The following MAD1L1 variants were observed in gnomAD, a reference collection of about 807,000 sequenced individuals.
MAD1L1 encodes mitotic arrest deficient 1 like 1, also known as mitotic spindle assembly checkpoint protein MAD1.
In MAD1L1, 95 loss-of-function variants were observed where a neutral mutation model predicts 96.9. That is an observed-to-expected ratio of 0.98 (90% CI 0.83 to 1.16). MAD1L1 has a LOEUF of 1.16. MAD1L1 is among the 50% of genes most tolerant of loss of function. The pLI is 0.00. For synonymous variants in MAD1L1, 473 were observed against 396.6 expected, an observed-to-expected ratio of 1.19 and a Z score of -2.29; for missense variants, 1,007 against 954.4, an observed-to-expected ratio of 1.06 and a Z score of -0.73.
At chr7:1,882,660 A>C (rs1785757831) in intron 18 of MAD1L1, among the ~76,000 whole-genome samples, 1 of 152,120 alleles carries the variant, frequency 6.6e-6, no homozygotes, top group African/African-American at 2.4e-5. Flanking sequence ...GATGCCACAC[A>C]CCTGCACAGG....
chr7:1,921,619 G>A (rs144908211), intron 17 of MAD1L1, among the ~76,000 whole-genome samples: 2,130 of 152,240 alleles, frequency 0.014, 25 homozygotes, highest in Non-Finnish European at 0.023. Flanking sequence ...GCGCCTGGCC[G>A]TGACAAAGTA....
At chr7:1,879,015 C>T (rs1219050739) in intron 18 of MAD1L1, among the ~76,000 whole-genome samples, 1 of 152,084 alleles carries the variant, frequency 6.6e-6, no homozygotes, top group Non-Finnish European at 1.5e-5. Context: ...TTTTAAAGCA[C>T]ATTTACAAAA....
intron 17 of MAD1L1, among the ~76,000 whole-genome samples, chr7:1,903,427 T>C (rs1236044556): frequency 6.7e-6 from 1 of 149,872 alleles, no homozygotes; most frequent in Non-Finnish European, 1.5e-5. Flanking sequence ...TCATGATTGA[T>C]GAAGCACTGT....
intron 15 of MAD1L1, among the ~76,000 whole-genome samples, chr7:1,973,898 C>T (rs188363306): frequency 3.3e-5 from 5 of 152,348 alleles, no homozygotes; most frequent in Non-Finnish European, 5.9e-5. Flanking sequence ...GCTGACCCTG[C>T]CCAGCACAGA....
chr7:2,229,826 C>A (rs943523075), intron 3 of MAD1L1, among the ~76,000 whole-genome samples, 158 bp downstream of exon 3: 5 of 152,258 alleles, frequency 3.3e-5, no homozygotes, highest in African/African-American at 9.6e-5. Flanking sequence ...AGCTACGACC[C>A]CAAAATGAGG....
chr7:1,828,119 C>T (rs1782522355), intron 18 of MAD1L1, among the ~76,000 whole-genome samples: 1 of 152,026 alleles, frequency 6.6e-6, no homozygotes, highest in African/African-American at 2.4e-5. Context: ...AGACAAAATG[C>T]CTATTTTCCC....
rs551036826 is a variant in MAD1L1 at position 2,018,201 on chromosome 7, G to A, written c.1219-3559C>T. ...ACGAAGCCCACATCCTGCCTGGACC[G>A]TAACTAGATGTGTGACCTTGGGAAA... On this transcript the variant is annotated intron_variant, in intron 12 of 18. Coordinates refer to ENST00000265854, the MANE Select transcript of MAD1L1 (RefSeq NM_001013836.2). Among the ~76,000 whole-genome samples the A allele has an allele frequency of 3.3e-5, 5 of 152,268 alleles. No homozygotes were observed. The East Asian group carries it at 9.7e-4, about 29-fold the overall frequency.
chr7:2,032,885 G>C (rs1173700357), intron 12 of MAD1L1, among the ~76,000 whole-genome samples: 1 of 152,232 alleles, frequency 6.6e-6, no homozygotes, highest in South Asian at 2.1e-4. Context: ...CACCAGGAAG[G>C]AAGACCCACT....
At chr7:2,068,798 C>T (rs1784996131) in intron 12 of MAD1L1, among the ~76,000 whole-genome samples, 1 of 152,180 alleles carries the variant, frequency 6.6e-6, no homozygotes, top group Non-Finnish European at 1.5e-5. Flanking sequence ...AGGTGACAGC[C>T]TTCATCCCAA....
At chr7:2,149,092 T>C in intron 11 of MAD1L1, 60 bp downstream of exon 11, 2 of 1,487,442 alleles carry the variant, frequency 1.3e-6, no homozygotes, top group Non-Finnish European at 1.9e-6. Flanking sequence ...ACACTCTCAC[T>C]CACCCCTAAC....
At chr7:1,961,713 T>C (rs1289382425) in intron 15 of MAD1L1, among the ~76,000 whole-genome samples, 2 of 152,254 alleles carry the variant, frequency 1.3e-5, no homozygotes, top group Non-Finnish European at 2.9e-5. Flanking sequence ...CATCTTGAAT[T>C]GTAGCTCCCA....
intron 15 of MAD1L1, among the ~76,000 whole-genome samples, chr7:1,972,328 G>A (rs1780440966): frequency 6.6e-6 from 1 of 152,186 alleles, no homozygotes; most frequent in Non-Finnish European, 1.5e-5. Flanking sequence ...AACCATTTGG[G>A]CCTAGGGATA....
chr7:2,103,505 C>T lies in MAD1L1; in HGVS notation c.1074-34167G>A, dbSNP rs1297373427. Among the ~76,000 whole-genome samples, 3 of 152,052 alleles carry T rather than the reference C, an allele frequency of 2.0e-5. No individual in the cohort carries two copies. The highest frequency in any genetic ancestry group is 2.9e-5 in the Non-Finnish European group (2 of 68,010). On this transcript the variant is annotated intron_variant, in intron 11 of 18. Transcript: ENST00000265854. This position sits in a 1 kb window ranked among gnomAD's most constrained non-coding sequence, Gnocchi z 4.3. ...CGCCCCCGAGGCCACTGCACAGCGG[C>T]GGGGCTCTCGACCACCGTGCTCTTT...
chr7:2,029,320 T>G (rs1207190131), intron 12 of MAD1L1, among the ~76,000 whole-genome samples: 1 of 152,104 alleles, frequency 6.6e-6, no homozygotes, highest in Non-Finnish European at 1.5e-5. Context: ...ACACGAAAGA[T>G]TACACGCTGC....
intron 11 of MAD1L1, among the ~76,000 whole-genome samples, chr7:2,092,213 T>C (rs189612831): frequency 1.3e-5 from 2 of 152,332 alleles, no homozygotes; most frequent in African/African-American, 2.4e-5. Context: ...CTCATGGTTG[T>C]ACTAATTTGC....
At chr7:2,219,681 G>T (rs1793491120) in intron 5 of MAD1L1, among the ~76,000 whole-genome samples, 1 of 146,434 alleles carries the variant, frequency 6.8e-6, no homozygotes, top group African/African-American at 2.5e-5. Flanking sequence ...GGGGGCAGAG[G>T]GCAGGGGGAA....
chr7:1,904,109 A>G (rs537918880), intron 17 of MAD1L1, among the ~76,000 whole-genome samples: 2 of 130,502 alleles, frequency 1.5e-5, no homozygotes, highest in Non-Finnish European at 3.4e-5. Context: ...TGCGGAACTC[A>G]AGATTGATCA....
chr7:2,020,110 G>A (rs992188061), intron 12 of MAD1L1, among the ~76,000 whole-genome samples: 4 of 152,318 alleles, frequency 2.6e-5, no homozygotes, highest in East Asian at 1.9e-4. Flanking sequence ...CTCAGACCAC[G>A]GAGGGGCAGA....
chr7:2,139,223 G>T (rs984691019), intron 11 of MAD1L1, among the ~76,000 whole-genome samples: 1 of 152,034 alleles, frequency 6.6e-6, no homozygotes, highest in East Asian at 1.9e-4. Flanking sequence ...CTGCCACGGG[G>T]ATCACACGGC....
Sources: gnomAD v4.1 joint callset for allele counts (sites outside exome capture counted in the v4.1 genomes callset) on GRCh38, gnomAD v4.1.1 for gene constraint, Gnocchi (gnomAD v3.1) non-coding constraint, MANE v1.5 for transcripts, NCBI Gene and HGNC (gene_info 2026-07-23, HGNC 2026-07-21) for gene names.